Variants in MINDY2 observed in about 807,000 individuals in gnomAD.
The protein encoded by MINDY2 is ubiquitin carboxyl-terminal hydrolase MINDY-2.
In MINDY2, 52 loss-of-function variants were observed where a neutral mutation model predicts 68.2. The observed-to-expected ratio is 0.76, with a 90% CI of 0.61 to 0.96. The LOEUF is 0.96. Among genes scored for constraint, MINDY2 ranks in the 40% least tolerant of loss-of-function variants. The pLI is 0.00. For synonymous variants in MINDY2, 372 were observed against 303.0 expected (o/e 1.23, Z -2.36); for missense variants, 881 against 773.4 (o/e 1.14, Z -1.65).
At chr15:58,836,102 G>C (rs1320073340) in intron 6 of MINDY2, among the ~76,000 whole-genome samples, 6 of 152,134 alleles carry the variant, frequency 3.9e-5, no homozygotes, top group African/African-American at 1.2e-4. Flanking sequence ...AGTAGAGACA[G>C]GGTTTCGCTG....
chr15:58,844,919 T>TAAAAA (rs35379834), intron 6 of MINDY2, among the ~76,000 whole-genome samples: 1 of 67,856 alleles, frequency 1.5e-5, no homozygotes, highest in African/African-American at 5.6e-5. Flanking sequence ...AGACCCTGCC[T>TAAAAA]AAAAAAAAAA....
intron 4 of MINDY2, among the ~76,000 whole-genome samples, chr15:58,818,574 T>C (rs2030850805): frequency 1.3e-5 from 2 of 152,088 alleles, no homozygotes; most frequent in South Asian, 4.1e-4. Flanking sequence ...AATACTAATG[T>C]ACAGATTCTG....
At chr15:58,827,495 G>A (rs1013041260) in intron 5 of MINDY2, among the ~76,000 whole-genome samples, 3 of 152,168 alleles carry the variant, frequency 2.0e-5, no homozygotes, top group Non-Finnish European at 1.5e-5. Context: ...ACGGAGTCTT[G>A]TTGTGTCATC....
In MINDY2 at chr15:58,778,886, C is replaced by T. The variant is rs182451519; in HGVS notation, c.840+6651C>T. ...GGAGTGCAGTGGCACGATCTTGGCT[C>T]ACTGCAACCTCTGCCTCCTGGGTTC... On this transcript the variant is annotated intron_variant, in intron 1 of 8. Coordinates refer to ENST00000559228, the MANE Select transcript of MINDY2 (RefSeq NM_001040450.3). Among the ~76,000 whole-genome samples the T allele has an allele frequency of 3.1e-3, 457 of 145,516 alleles. 2 individuals are homozygous for T. Among genetic ancestry groups the T allele is most frequent in the African/African-American group, 0.011 (437 of 38,606 alleles).
At chr15:58,792,089 G>T (rs1595714844) in intron 2 of MINDY2, among the ~76,000 whole-genome samples, 1 of 152,268 alleles carries the variant, frequency 6.6e-6, no homozygotes, top group South Asian at 2.1e-4. Context: ...CCATAAGGAG[G>T]TCATTGATAA....
chr15:58,844,948 A>T (rs867802234), intron 6 of MINDY2, among the ~76,000 whole-genome samples: 13 of 133,012 alleles, frequency 9.8e-5, no homozygotes, highest in African/African-American at 3.7e-4. Flanking sequence ...AAAAAATGAA[A>T]GGACAACCCA....
chr15:58,833,084 G>T (rs1450820213), intron 6 of MINDY2, among the ~76,000 whole-genome samples: 1 of 151,878 alleles, frequency 6.6e-6, no homozygotes, highest in African/African-American at 2.4e-5. Flanking sequence ...CATTCTTTTT[G>T]TTGTTACAGC....
intron 7 of MINDY2, among the ~76,000 whole-genome samples, chr15:58,851,562 C>T (rs747177069): frequency 8.8e-4 from 134 of 152,114 alleles, no homozygotes; most frequent in Non-Finnish European, 1.6e-3. Context: ...CCTCAGCCTC[C>T]CAAGTAGCTA....
rs184750419 is a variant in MINDY2, at chr15:58,838,240, A to G, written c.1368+6324A>G. 8.0e-5 allele frequency among the ~76,000 whole-genome samples: 12 copies of G among 149,406 alleles called. No homozygotes were observed. The East Asian group carries it at 2.3e-3, about 28-fold the overall frequency. On this transcript the variant is annotated intron_variant, in intron 6 of 8. Transcript: ENST00000559228. ...TGGTGAAACCCCATCTCTACTAAAA[A>G]TACAAAAACTAGCTGGGCATGGTGG...
At position 58,831,898 on chromosome 15, in the gene MINDY2, C is replaced by T. The variant is rs777706371; in HGVS notation, c.1350C>T (p.Ser450=). The change falls in exon 6 of 9, where the codon AGC becomes AGT. Residue 450 remains serine (S), a synonymous_variant. Transcript: ENST00000559228. ...TGTTCTTTCGGAATAATCATTTTAGCACCATGACCAAATACAAGGTATGAT... is the reference window on the plus strand; with the variant it reads ...TGTTCTTTCGGAATAATCATTTTAGTACCATGACCAAATACAAGGTATGAT... ...LCVFFRNNHF[S]TMTKYKGQLY... is the part of the protein sequence containing the mutation. The T allele has an allele frequency of 1.9e-6, 3 of 1,612,456 alleles. No individual in the cohort carries two copies. Among genetic ancestry groups the T allele is most frequent in the Admixed American group, 1.7e-5 (1 of 59,682 alleles).
chr15:58,773,848 A>G (rs1900597039), intron 1 of MINDY2, among the ~76,000 whole-genome samples: 2 of 152,338 alleles, frequency 1.3e-5, no homozygotes, highest in South Asian at 4.1e-4. Context: ...GTGTGTTTAT[A>G]TGTTTATTAC....
chr15:58,774,492 GAAAAA>G (rs11385535), intron 1 of MINDY2, among the ~76,000 whole-genome samples: 3 of 92,828 alleles, frequency 3.2e-5, no homozygotes, highest in South Asian at 6.3e-4. Flanking sequence ...CCCAAAAAAA[GAAAAA>G]AAAAAAAAAA....
chr15:58,772,096 A>G lies in MINDY2; in HGVS notation c.701A>G (p.Lys234Arg), dbSNP rs767128288. The G allele has an allele frequency of 1.9e-5, 30 of 1,613,784 alleles. No individual in the cohort carries two copies. In the East Asian group the frequency reaches 6.2e-4, roughly 34 times the overall value. The change falls in exon 1 of 9, where the codon AAG (lysine) becomes AGG (arginine). Residue 234 changes from lysine (K) to arginine (R), a missense_variant. Transcript: ENST00000559228. ...EETAQVLAAS[K>R]ERFPGQSVYH... ...ACCGCTCAGGTGCTGGCGGCCTCCAAGGAACGCTTCCCGGGACAATCTGTG... is the reference window on the plus strand; with the variant it reads ...ACCGCTCAGGTGCTGGCGGCCTCCAGGGAACGCTTCCCGGGACAATCTGTG...
chr15:58,795,311 G>A (rs1030207089), intron 2 of MINDY2, among the ~76,000 whole-genome samples: 1 of 152,122 alleles, frequency 6.6e-6, no homozygotes, highest in Admixed American at 6.6e-5. Flanking sequence ...CTTTCTTTTC[G>A]TTATTGCCAT....
chr15:58,797,909 C>A (rs906125803), intron 2 of MINDY2, among the ~76,000 whole-genome samples: 1 of 152,050 alleles, frequency 6.6e-6, no homozygotes, highest in Admixed American at 6.6e-5. Flanking sequence ...AAAAATAAAG[C>A]CATCACAAAA....
At chr15:58,817,176 C>T (rs560775908) in intron 4 of MINDY2, among the ~76,000 whole-genome samples, 1 of 152,012 alleles carries the variant, frequency 6.6e-6, no homozygotes, top group Non-Finnish European at 1.5e-5. Flanking sequence ...AATGTAAAAG[C>T]AAGCCACAGA....
rs1474092771 is a variant in MINDY2, at chr15:58,793,780, T to G, written c.898+5817T>G. Among the ~76,000 whole-genome samples, 3 of 152,062 alleles carry G rather than the reference T, an allele frequency of 2.0e-5. No homozygotes were observed. The East Asian group carries it at 5.8e-4, about 29-fold the overall frequency. On this transcript the variant is annotated intron_variant, in intron 2 of 8. Coordinates refer to ENST00000559228, the MANE Select transcript of MINDY2 (RefSeq NM_001040450.3). ...CTCTTGAGTGCTTCTATTTTCTCAA[T>G]GAAATAGGAAACAAAGTCATCAGCT...
intron 5 of MINDY2, among the ~76,000 whole-genome samples, chr15:58,823,145 T>C (rs1567062220): frequency 6.6e-6 from 1 of 151,160 alleles, no homozygotes; most frequent in South Asian, 2.1e-4. Context: ...TTTTCTTTTT[T>C]TTTTTTTTTG....
intron 6 of MINDY2, among the ~76,000 whole-genome samples, chr15:58,843,770 T>G (rs1473003498): frequency 6.2e-5 from 9 of 144,818 alleles, no homozygotes. Flanking sequence ...GGAGGCGGAG[T>G]TTGCAGTGAG....
Sources: gnomAD v4.1 joint callset for allele counts (sites outside exome capture counted in the v4.1 genomes callset) on GRCh38, gnomAD v4.1.1 for gene constraint, MANE v1.5 for transcripts, NCBI Gene and HGNC (gene_info 2026-07-23, HGNC 2026-07-21) for gene names.